PHF21A: variants seen among roughly 807,000 people sequenced by gnomAD.
The protein encoded by PHF21A is PHD finger protein 21A, also known as BHC80a.
Under a neutral mutation model 82.5 loss-of-function variants are expected in PHF21A, and 11 were observed. That is an observed-to-expected ratio of 0.13 (90% CI 0.08 to 0.22). The LOEUF (loss-of-function observed/expected upper bound fraction) is 0.22, where lower values mean the gene tolerates loss of function less well. Among genes scored for constraint, PHF21A ranks in the 10% least tolerant of loss-of-function variants. The pLI, the probability that PHF21A is intolerant of heterozygous loss-of-function variation, is 1.00. For missense variants in PHF21A, 579 were observed against 837.8 expected (o/e 0.69, Z 3.81); for synonymous variants, 297 against 302.8 (o/e 0.98, Z 0.20).
chr11:45,974,128 A>G (rs2136151133), intron 7 of PHF21A, among the ~76,000 whole-genome samples: 1 of 152,324 alleles, frequency 6.6e-6, no homozygotes, highest in East Asian at 1.9e-4. Context: ...TCTAGCATCT[A>G]CATACCTGTT....
intron 1 of PHF21A, among the ~76,000 whole-genome samples, chr11:46,108,148 A>T (rs1478401323): frequency 6.6e-6 from 1 of 152,210 alleles, no homozygotes; most frequent in Non-Finnish European, 1.5e-5. Context: ...TGTGAAATAA[A>T]TGTGTCCTAA....
At chr11:46,095,340 T>A (rs2135554161) in intron 1 of PHF21A, among the ~76,000 whole-genome samples, 1 of 152,364 alleles carries the variant, frequency 6.6e-6, no homozygotes, top group East Asian at 1.9e-4. Context: ...TTAAGCTGGT[T>A]AAAAGCCACT....
intron 10 of PHF21A, among the ~76,000 whole-genome samples, chr11:45,958,562 C>T (rs1426658226): frequency 6.8e-6 from 1 of 148,148 alleles, no homozygotes; most frequent in African/African-American, 2.5e-5. Context: ...AATCATGCCA[C>T]TGTACTCCAG....
intron 6 of PHF21A, among the ~76,000 whole-genome samples, chr11:46,025,390 G>A (rs2095719382): frequency 1.3e-5 from 2 of 152,162 alleles, no homozygotes. Flanking sequence ...ACTTTCTGAT[G>A]AAGTAGATAT....
rs61505607 is a variant in PHF21A, at chr11:45,930,905, G to GCCCCCC, written c.*3057_*3062dup. 466 of 135,432 alleles carry GCCCCCC rather than the reference G, an allele frequency of 3.4e-3. No individual in the cohort carries two copies. Among genetic ancestry groups the GCCCCCC allele is most frequent in the Non-Finnish European group, 4.2e-3 (269 of 64,058 alleles). The allele number at this position is 135,432 out of a possible 1,614,324, so 8.4% of individuals were successfully genotyped here. ...GAGCGTATGTCTCAGGTGGTCACAG[G>GCCCCCC]CCCCCCCCCCTCCCCGCCCAGGTCT... On this transcript the variant is annotated 3_prime_UTR_variant, in exon 19 of 19. Transcript: ENST00000676320.
chr11:45,952,374 TG>T (rs1166481432), intron 11 of PHF21A, among the ~76,000 whole-genome samples: 5 of 152,352 alleles, frequency 3.3e-5, no homozygotes, highest in Admixed American at 1.3e-4. Flanking sequence ...CCTGGGTAGC[TG>T]GGACTACAGA....
At chr11:45,942,436 C>T (rs1325371942) in intron 15 of PHF21A, among the ~76,000 whole-genome samples, 2 of 152,190 alleles carry the variant, frequency 1.3e-5, no homozygotes, top group African/African-American at 4.8e-5. Flanking sequence ...TACCAAGAGG[C>T]CAATGAGCTG....
intron 1 of PHF21A, among the ~76,000 whole-genome samples, chr11:46,106,244 A>G (rs2097150758): frequency 6.6e-6 from 1 of 152,148 alleles, no homozygotes; most frequent in Non-Finnish European, 1.5e-5. Context: ...GTTTTATTTC[A>G]ATGGTCATTA....
intron 6 of PHF21A, among the ~76,000 whole-genome samples, chr11:46,015,871 C>T (rs1184801446): frequency 1.3e-5 from 2 of 151,112 alleles, no homozygotes; most frequent in Admixed American, 1.3e-4. Context: ...AAGGACCTGC[C>T]CGAGGCTATT....
intron 6 of PHF21A, among the ~76,000 whole-genome samples, chr11:46,062,043 T>G (rs998937701): frequency 6.6e-6 from 1 of 152,164 alleles, no homozygotes; most frequent in African/African-American, 2.4e-5. Flanking sequence ...TGCTGAGAAG[T>G]CTGATGACAT....
intron 6 of PHF21A, among the ~76,000 whole-genome samples, chr11:45,996,855 CT>C (rs2094926221): frequency 6.6e-6 from 1 of 152,244 alleles, no homozygotes; most frequent in South Asian, 2.1e-4. Context: ...CCACAGTAAC[CT>C]AAAAAAGGTC....
chr11:46,050,853 T>C (rs1009801995), intron 6 of PHF21A, among the ~76,000 whole-genome samples: 2 of 152,226 alleles, frequency 1.3e-5, no homozygotes, highest in East Asian at 1.9e-4. Context: ...ACTACAGCTA[T>C]GGCATACACC....
chr11:46,053,270 T>C (rs2096398067), intron 6 of PHF21A, among the ~76,000 whole-genome samples: 1 of 152,158 alleles, frequency 6.6e-6, no homozygotes, highest in Non-Finnish European at 1.5e-5. Flanking sequence ...AATATCAATA[T>C]GAAAGAATTA....
At chr11:45,940,445 C>T (rs1223369219) in intron 15 of PHF21A, among the ~76,000 whole-genome samples, 2 of 152,234 alleles carry the variant, frequency 1.3e-5, no homozygotes, top group South Asian at 4.1e-4. Flanking sequence ...CTGCCCACCT[C>T]GGCCTCCCAA....
intron 16 of PHF21A, among the ~76,000 whole-genome samples, chr11:45,937,346 G>C (rs2089321994): frequency 6.6e-6 from 1 of 152,218 alleles, no homozygotes; most frequent in African/African-American, 2.4e-5. Context: ...AAACCAAAGA[G>C]AGAACGAGGG....
At chr11:45,999,501 G>T (rs943494684) in intron 6 of PHF21A, among the ~76,000 whole-genome samples, 1 of 152,130 alleles carries the variant, frequency 6.6e-6, no homozygotes, top group African/African-American at 2.4e-5. Flanking sequence ...CTTGAGACTA[G>T]AAAGTAGAAT....
chr11:46,070,004 G>A (rs1191925428), intron 6 of PHF21A, among the ~76,000 whole-genome samples: 1 of 152,156 alleles, frequency 6.6e-6, no homozygotes, highest in Non-Finnish European at 1.5e-5. Context: ...AATATGGAAA[G>A]AGACATATTA....
chr11:46,120,257 TTAAA>T (rs1421924575), intron 1 of PHF21A: 5 of 150,190 alleles, frequency 3.3e-5, no homozygotes, highest in Admixed American at 2.0e-4. Context: ...TTTTTTTTAA[TTAAA>T]TAAATAATCA....
At chr11:45,964,865 C>T (rs2093338525) in intron 10 of PHF21A, among the ~76,000 whole-genome samples, 1 of 152,140 alleles carries the variant, frequency 6.6e-6, no homozygotes, top group Non-Finnish European at 1.5e-5. Context: ...GTTTGGCTCC[C>T]CATTATCTGT....
Sources: gnomAD v4.1 joint callset for allele counts (sites outside exome capture counted in the v4.1 genomes callset) on GRCh38, gnomAD v4.1.1 for gene constraint, MANE v1.5 for transcripts, NCBI Gene and HGNC (gene_info 2026-07-23, HGNC 2026-07-21) for gene names.